Variants in ZRANB3 observed in about 807,000 individuals in gnomAD.
ZRANB3 encodes DNA annealing helicase and endonuclease ZRANB3.
A neutral mutation model predicts 133.8 loss-of-function variants in ZRANB3; 125 were observed. The ratio of observed to expected loss-of-function variants is 0.93; its 90% CI spans 0.81 to 1.08. ZRANB3 has a LOEUF of 1.08. ZRANB3 is among the 50% of genes least tolerant of loss of function. The probability of loss-of-function intolerance (pLI) is 0.00; values close to 1 mark genes in which losing one functional copy is unlikely to be tolerated. For synonymous variants in ZRANB3, 387 were observed against 432.7 expected, an observed-to-expected ratio of 0.89 and a Z score of 1.31; for missense variants, 1,229 against 1,275.5, an observed-to-expected ratio of 0.96 and a Z score of 0.56.
At chr2:135,280,123 G>C (rs1379395387) in intron 8 of ZRANB3, among the ~76,000 whole-genome samples, 5 of 152,154 alleles carry the variant, frequency 3.3e-5, no homozygotes, top group Admixed American at 2.6e-4. Flanking sequence ...TCAGCATCTT[G>C]GTAGTGTCGG....
intron 2 of ZRANB3, among the ~76,000 whole-genome samples, chr2:135,460,421 C>T (rs1690712658): frequency 6.6e-6 from 1 of 151,874 alleles, no homozygotes; most frequent in African/African-American, 2.4e-5. Flanking sequence ...GCCACCACGC[C>T]CAGCTAATTT....
chr2:135,338,992 T>C (rs1684502334), intron 6 of ZRANB3, among the ~76,000 whole-genome samples: 1 of 152,182 alleles, frequency 6.6e-6, no homozygotes, highest in Non-Finnish European at 1.5e-5. Context: ...ATAGATGGTA[T>C]AGGCCAGGCA....
At chr2:135,357,695 T>A (rs781290153) in intron 3 of ZRANB3, among the ~76,000 whole-genome samples, 15 of 152,174 alleles carry the variant, frequency 9.9e-5, no homozygotes, top group Non-Finnish European at 1.8e-4. Context: ...TGCAGGTGTG[T>A]GCCACCATGC....
chr2:135,275,577 G>T lies in ZRANB3; in HGVS notation c.1086+59C>A, dbSNP rs1044673294. ...CCTCAACTATGAGACTACAACTGAT[G>T]TTTAGTATAGTAAAAATATGCATTC... On this transcript the variant is annotated intron_variant, in intron 9 of 20. Transcript: ENST00000264159. 4.9e-6 allele frequency: 7 copies of T among 1,426,958 alleles called. No individual in the cohort carries two copies. In the African/African-American group the frequency reaches 7.2e-5, roughly 15 times the overall value. The allele number at this position is 1,426,958 out of a possible 1,614,324, so 88.4% of individuals were successfully genotyped here. A position where few individuals can be genotyped will look rare whatever the true frequency, so the allele number is the denominator to read the frequency against.
chr2:135,223,253 A>G (rs934129784), intron 15 of ZRANB3, among the ~76,000 whole-genome samples: 9 of 152,104 alleles, frequency 5.9e-5, no homozygotes, highest in African/African-American at 2.2e-4. Flanking sequence ...TGTCCTAAAA[A>G]AAACAAAAAA....
intron 15 of ZRANB3, 75 bp downstream of exon 15, chr2:135,224,351 T>C (rs1255753585): frequency 7.1e-6 from 8 of 1,131,730 alleles, no homozygotes; most frequent in Admixed American, 2.7e-5. Flanking sequence ...TTAATAAAAT[T>C]AAGTATCTCC....
intron 12 of ZRANB3, among the ~76,000 whole-genome samples, chr2:135,263,651 G>C (rs1001031483): frequency 3.3e-5 from 5 of 152,044 alleles, no homozygotes; most frequent in Non-Finnish European, 5.9e-5. Flanking sequence ...GAATTATAAG[G>C]ATGTGTTTTT....
At chr2:135,224,613 TATATCAAA>T (rs1694687169) in intron 14 of ZRANB3, 96 bp from the exon 15 acceptor site, 1 of 702,448 alleles carries the variant, frequency 1.4e-6, no homozygotes, top group South Asian at 3.0e-5. Context: ...ATGAAATAGC[TATATCAAA>T]ATATCAATAT....
chr2:135,441,282 A>G (rs935210063), intron 2 of ZRANB3, among the ~76,000 whole-genome samples: 1 of 152,154 alleles, frequency 6.6e-6, no homozygotes, highest in African/African-American at 2.4e-5. Flanking sequence ...CTAGGGGCTG[A>G]CTTTTCATCA....
At chr2:135,510,312 C>T (rs1693394193) in intron 1 of ZRANB3, among the ~76,000 whole-genome samples, 1 of 152,028 alleles carries the variant, frequency 6.6e-6, no homozygotes, top group African/African-American at 2.4e-5. Context: ...TTGAAAAATC[C>T]GTTACTCCTA....
chr2:135,492,242 G>T (rs1438838365), intron 2 of ZRANB3, among the ~76,000 whole-genome samples: 4 of 152,112 alleles, frequency 2.6e-5, no homozygotes, highest in African/African-American at 9.7e-5. Context: ...GTTTAACACT[G>T]TTACTTAAGA....
At chr2:135,228,362 A>G (rs1694848589) in intron 13 of ZRANB3, 1 of 182,682 alleles carries the variant, frequency 5.5e-6, no homozygotes, top group Admixed American at 5.9e-5. Context: ...TACTATAGCA[A>G]AAGTCATGAG....
At position 135,200,016 on chromosome 2, in the gene ZRANB3, G is replaced by T. The variant is rs990313185; in HGVS notation, c.*326C>A. 2 of 342,876 alleles carry T rather than the reference G, an allele frequency of 5.8e-6. No individual in the cohort carries two copies. The highest frequency in any genetic ancestry group is 1.1e-5 in the Non-Finnish European group (2 of 180,482). 21.2% of individuals were successfully genotyped at this position (342,876 alleles called of 1,614,324 possible). On this transcript the variant is annotated 3_prime_UTR_variant, in exon 21 of 21. Transcript: ENST00000264159. ...TCCAGAAGCATTTTTAGGTAATTGA[G>T]AGTACATTTTTTAAACACAATCTAT... is the stretch of plus-strand genomic sequence containing the variant.
chr2:135,484,073 A>G (rs1393669193), intron 2 of ZRANB3, among the ~76,000 whole-genome samples: 1 of 152,168 alleles, frequency 6.6e-6, no homozygotes, highest in Non-Finnish European at 1.5e-5. Context: ...TGGTGCTGAA[A>G]AAAATGTATA....
chr2:135,483,837 A>G (rs2104797005), intron 2 of ZRANB3, among the ~76,000 whole-genome samples: 1 of 152,292 alleles, frequency 6.6e-6, no homozygotes, highest in Non-Finnish European at 1.5e-5. Context: ...GTTTCAAAGA[A>G]TATCTTTATT....
At chr2:135,238,425 C>G in intron 12 of ZRANB3, among the ~76,000 whole-genome samples, 1 of 147,742 alleles carries the variant, frequency 6.8e-6, no homozygotes. Context: ...CAGAGTTTCA[C>G]TCTTGTCTCC....
chr2:135,405,359 A>G (rs1687960201), intron 2 of ZRANB3, among the ~76,000 whole-genome samples: 1 of 152,206 alleles, frequency 6.6e-6, no homozygotes. Flanking sequence ...AGACTCACAC[A>G]CAATAAAAAT....
At chr2:135,530,771 T>A (rs558637909) in intron 1 of ZRANB3, 1 of 152,312 alleles carries the variant, frequency 6.6e-6, no homozygotes, top group Admixed American at 6.5e-5. Flanking sequence ...CCGCCCTAAT[T>A]TCAAGTCATT....
intron 14 of ZRANB3, among the ~76,000 whole-genome samples, chr2:135,225,627 T>A (rs909984728): frequency 7.9e-5 from 12 of 152,196 alleles, no homozygotes; most frequent in Non-Finnish European, 1.6e-4. Context: ...ACACTACACA[T>A]GAGGTATATG....
Sources: allele counts gnomAD v4.1 joint callset (sites outside exome capture counted in the v4.1 genomes callset), GRCh38; gene constraint gnomAD v4.1.1; transcripts MANE v1.5; gene names NCBI Gene and HGNC (gene_info 2026-07-23, HGNC 2026-07-21).